CDH18: variants seen among roughly 807,000 people sequenced by gnomAD.
CDH18 encodes cadherin-18.
Under a neutral mutation model 67.9 loss-of-function variants are expected in CDH18, and 31 were observed. The observed-to-expected ratio is 0.46, with a 90% CI of 0.34 to 0.62. CDH18 has a LOEUF of 0.62. CDH18 is among the 20% of genes least tolerant of loss of function. The probability of loss-of-function intolerance (pLI) is 0.01; values close to 1 mark genes in which losing one functional copy is unlikely to be tolerated. For synonymous variants in CDH18, 362 were observed against 347.2 expected (o/e 1.04, Z -0.48); for missense variants, 890 against 975.5 (o/e 0.91, Z 1.17).
intron 2 of CDH18, among the ~76,000 whole-genome samples, chr5:20,238,749 A>G (rs529792722): frequency 1.3e-5 from 2 of 152,322 alleles, no homozygotes; most frequent in Non-Finnish European, 2.9e-5. Context: ...GAGTTGCTCT[A>G]TTAGACATAG....
intron 2 of CDH18, among the ~76,000 whole-genome samples, chr5:20,246,650 C>A (rs896628802): frequency 1.3e-5 from 2 of 152,128 alleles, no homozygotes; most frequent in African/African-American, 2.4e-5. Context: ...ATCACCTCAA[C>A]CATGATGCAT....
intron 3 of CDH18, among the ~76,000 whole-genome samples, chr5:19,758,386 G>T (rs1169116939): frequency 6.6e-6 from 1 of 152,184 alleles, no homozygotes; most frequent in Non-Finnish European, 1.5e-5. Flanking sequence ...AATCATAGAG[G>T]CCTCCACTGT....
At chr5:20,023,883 C>T (rs1738658533) in intron 2 of CDH18, among the ~76,000 whole-genome samples, 1 of 152,118 alleles carries the variant, frequency 6.6e-6, no homozygotes, top group African/African-American at 2.4e-5. Flanking sequence ...CAACAAATTG[C>T]TCAGCCTCTC....
At position 20,457,682 on chromosome 5, in the gene CDH18, C is replaced by G. The variant is rs149751950; in HGVS notation, c.-580+117780G>C. 1.7e-3 allele frequency among the ~76,000 whole-genome samples: 266 copies of G among 152,214 alleles called. 2 individuals carry two copies. Among genetic ancestry groups the G allele is most frequent in the African/African-American group, 6.3e-3 (262 of 41,536 alleles). ...GCCCTTTTCTAAGAATTTGGAAGGT[C>G]TCCCAGTCTAAAAGTATGATAGCAA... On this transcript the variant is annotated intron_variant, in intron 1 of 14. Transcript: ENST00000507958.
At chr5:20,228,454 CAT>C (rs1324119382) in intron 2 of CDH18, among the ~76,000 whole-genome samples, 5 of 152,056 alleles carry the variant, frequency 3.3e-5, no homozygotes, top group Non-Finnish European at 5.9e-5. Context: ...TATTACCACA[CAT>C]AGTTATCATT....
intron 2 of CDH18, among the ~76,000 whole-genome samples, chr5:19,975,680 T>C (rs1344895796): frequency 1.3e-5 from 2 of 152,184 alleles, no homozygotes; most frequent in African/African-American, 4.8e-5. Context: ...ACTATTATTG[T>C]AGAGTTTATT....
chr5:19,914,208 A>C lies in CDH18; in HGVS notation c.-257+66852T>G, dbSNP rs560433511. Among the ~76,000 whole-genome samples, 17 of 152,224 alleles carry C rather than the reference A, an allele frequency of 1.1e-4. No homozygotes were observed. The South Asian group carries it at 3.1e-3, about 28-fold the overall frequency. Reference sequence around the variant, plus strand: ...CAAAATTTAATAGTGTCTTATATGCAGTAGGGTAAAAATAGCATAACCTTT... The same window carrying C: ...CAAAATTTAATAGTGTCTTATATGCCGTAGGGTAAAAATAGCATAACCTTT... On this transcript the variant is annotated intron_variant, in intron 2 of 12. Coordinates refer to ENST00000382275, the MANE Select transcript of CDH18 (RefSeq NM_004934.5).
At chr5:20,488,700 T>TATATATATATATATAC (rs369185147) in intron 1 of CDH18, among the ~76,000 whole-genome samples, 22 of 137,294 alleles carry the variant, frequency 1.6e-4, no homozygotes, top group South Asian at 2.3e-4. Context: ...TATATATATA[T>TATATATATATATATAC]ACACACACAT....
At chr5:20,386,117 A>T (rs1046833635) in intron 1 of CDH18, among the ~76,000 whole-genome samples, 7 of 152,198 alleles carry the variant, frequency 4.6e-5, no homozygotes, top group Admixed American at 6.6e-5. Flanking sequence ...TCCTCAAGGA[A>T]GGAAATGTCA....
At chr5:20,326,860 G>A (rs1738647478) in intron 1 of CDH18, among the ~76,000 whole-genome samples, 2 of 152,046 alleles carry the variant, frequency 1.3e-5, no homozygotes. Context: ...CATTATTTAA[G>A]TTTTGAAACT....
intron 1 of CDH18, among the ~76,000 whole-genome samples, chr5:20,342,204 A>G (rs1303761694): frequency 6.6e-6 from 1 of 152,160 alleles, no homozygotes; most frequent in Non-Finnish European, 1.5e-5. Context: ...ATTGGAAAAG[A>G]ATGGGACCCT....
chr5:19,651,743 T>C (rs907066071), intron 5 of CDH18, among the ~76,000 whole-genome samples: 5 of 152,138 alleles, frequency 3.3e-5, no homozygotes, highest in African/African-American at 7.2e-5. Flanking sequence ...TAAATGTCTA[T>C]GATAAGCAGG....
At chr5:19,869,098 A>G (rs571302210) in intron 2 of CDH18, among the ~76,000 whole-genome samples, 1 of 152,202 alleles carries the variant, frequency 6.6e-6, no homozygotes, top group African/African-American at 2.4e-5. Context: ...ATTTTGGTTT[A>G]ATTTATTGTA....
chr5:19,476,246 T>C (rs1738442194), intron 12 of CDH18, among the ~76,000 whole-genome samples: 1 of 151,906 alleles, frequency 6.6e-6, no homozygotes, highest in African/African-American at 2.4e-5. Context: ...AATGAGAAAA[T>C]TCAATGAGGG....
intron 1 of CDH18, among the ~76,000 whole-genome samples, chr5:20,338,955 G>T (rs1740017006): frequency 6.6e-6 from 1 of 152,164 alleles, no homozygotes; most frequent in Admixed American, 6.6e-5. Context: ...CTGTTGACTA[G>T]CTACTCTGGA....
intron 1 of CDH18, among the ~76,000 whole-genome samples, chr5:20,372,670 A>C (rs1743097488): frequency 6.6e-6 from 1 of 152,188 alleles, no homozygotes; most frequent in South Asian, 2.1e-4. Context: ...ATATTTTTCC[A>C]ACAGGGAGAT....
intron 3 of CDH18, among the ~76,000 whole-genome samples, chr5:19,783,974 A>T (rs1191102628): frequency 6.6e-6 from 1 of 152,130 alleles, no homozygotes; most frequent in African/African-American, 2.4e-5. Context: ...CAAAAATCCC[A>T]TAGGTAGATA....
chr5:20,350,614 G>A (rs547037131), intron 1 of CDH18, among the ~76,000 whole-genome samples: 47 of 152,148 alleles, frequency 3.1e-4, no homozygotes, highest in African/African-American at 1.0e-3. Context: ...AATTTCTCAT[G>A]CATTGATGAG....
intron 1 of CDH18, among the ~76,000 whole-genome samples, chr5:20,346,513 T>G (rs1051304878): frequency 2.0e-5 from 3 of 152,104 alleles, no homozygotes; most frequent in African/African-American, 7.2e-5. Context: ...GTGGGTGAAC[T>G]TGAAAAAATA....
Sources: allele counts gnomAD v4.1 joint callset (sites outside exome capture counted in the v4.1 genomes callset), GRCh38; gene constraint gnomAD v4.1.1; transcripts MANE v1.5; gene names NCBI Gene and HGNC (gene_info 2026-07-23, HGNC 2026-07-21).